RAB27B: variants seen among roughly 807,000 people sequenced by gnomAD.
The protein encoded by RAB27B is ras-related protein Rab-27B.
A neutral mutation model predicts 24.6 loss-of-function variants in RAB27B; 15 were observed. The ratio of observed to expected loss-of-function variants is 0.61; its 90% CI spans 0.41 to 0.94. The LOEUF is 0.94. Among genes scored for constraint, RAB27B ranks in the 40% least tolerant of loss-of-function variants. The pLI is 0.00. For synonymous variants in RAB27B, 105 were observed against 92.5 expected (o/e 1.14, Z -0.78); for missense variants, 261 against 266.8 (o/e 0.98, Z 0.15).
At chr18:54,867,449 T>TTC (rs1912283716) in intron 1 of RAB27B, among the ~76,000 whole-genome samples, 3 of 145,714 alleles carry the variant, frequency 2.1e-5, no homozygotes, top group South Asian at 2.3e-4. Flanking sequence ...TTTCTTTTTT[T>TTC]TTTTTTTTTT....
chr18:54,834,306 T>C (rs1335383600), intron 1 of RAB27B, among the ~76,000 whole-genome samples: 3 of 152,180 alleles, frequency 2.0e-5, no homozygotes, highest in African/African-American at 7.2e-5. Flanking sequence ...AAAGGAGATA[T>C]AGACTTCATA....
Position 54,873,685 on chromosome 18 carries a change from CTGTGTGTGTGTGTG to C in RAB27B, c.-19-3851_-19-3838del, listed in dbSNP as rs56409312. ...ATAAAAAGAGGAGCTGAGCCAAATC[CTGTGTGTGTGTGTG>C]TGTGTGTGTGTGTGTGTGTGTGTGT... On this transcript the variant is annotated intron_variant, in intron 1 of 5. Coordinates refer to ENST00000262094, the MANE Select transcript of RAB27B (RefSeq NM_004163.4). Among the ~76,000 whole-genome samples the C allele has an allele frequency of 5.0e-3, 705 of 140,840 alleles. 3 individuals are homozygous for C. Among genetic ancestry groups the C allele is most frequent in the African/African-American group, 0.015 (556 of 37,282 alleles). The allele number at this position is 140,840 out of a possible 152,430, so 92.4% of individuals were successfully genotyped here.
At chr18:54,885,661 G>A (rs1024332138) in intron 4 of RAB27B, among the ~76,000 whole-genome samples, 2 of 151,946 alleles carry the variant, frequency 1.3e-5, no homozygotes, top group Admixed American at 6.6e-5. Context: ...TATAGGTCAT[G>A]GCCATCACCT....
At position 54,889,482 on chromosome 18, in the gene RAB27B, A is replaced by G; in HGVS notation, c.*69A>G. 7 of 1,396,550 alleles carry G rather than the reference A, an allele frequency of 5.0e-6. No individual in the cohort carries two copies. The South Asian group carries it at 9.0e-5, about 18-fold the overall frequency. The allele number at this position is 1,396,550 out of a possible 1,614,324, so 86.5% of individuals were successfully genotyped here. ...ACTTTTAAAAACAATGACAAACCAC[A>G]CAATTGTTGTTGAGTAAACCACGCA... On this transcript the variant is annotated 3_prime_UTR_variant, in exon 6 of 6. Transcript: ENST00000262094.
At chr18:54,888,727 A>G (rs1913246508) in intron 5 of RAB27B, among the ~76,000 whole-genome samples, 1 of 150,852 alleles carries the variant, frequency 6.6e-6, no homozygotes, top group Non-Finnish European at 1.5e-5. Context: ...CCAATTTTTT[A>G]TGGAAGAATT....
chr18:54,829,286 A>G (rs1910584891), intron 1 of RAB27B, among the ~76,000 whole-genome samples: 1 of 152,356 alleles, frequency 6.6e-6, no homozygotes, highest in East Asian at 1.9e-4. Context: ...TGATCACAAT[A>G]AATTAGCTTT....
In RAB27B at chr18:54,891,303, G is replaced by A. The variant is rs1463233079; in HGVS notation, c.*1890G>A. 6.6e-6 allele frequency: 1 copy of A among 151,064 alleles called. No individual in the cohort carries two copies. Among genetic ancestry groups the A allele is most frequent in the Non-Finnish European group, 1.5e-5 (1 of 68,002 alleles). 9.4% of individuals were successfully genotyped at this position (151,064 alleles called of 1,614,324 possible). On this transcript the variant is annotated 3_prime_UTR_variant, in exon 6 of 6. Coordinates refer to ENST00000262094, the MANE Select transcript of RAB27B (RefSeq NM_004163.4). ...AGCTTTCATGCTGTTAGCCCCTGAT[G>A]AAATTCTCAGCATTAACTGGCCAGC...
At chr18:54,870,732 TAAC>T (rs1912429369) in intron 1 of RAB27B, among the ~76,000 whole-genome samples, 1 of 152,196 alleles carries the variant, frequency 6.6e-6, no homozygotes, top group Non-Finnish European at 1.5e-5. Flanking sequence ...AAAGCCAACT[TAAC>T]AACCTTCTGT....
At chr18:54,855,918 A>G (rs1327710449) in intron 1 of RAB27B, among the ~76,000 whole-genome samples, 4 of 152,198 alleles carry the variant, frequency 2.6e-5, no homozygotes, top group Non-Finnish European at 4.4e-5. Flanking sequence ...TTATACAACC[A>G]CACTGAATTA....
chr18:54,845,448 ACGTC>A (rs1412004109), intron 1 of RAB27B, among the ~76,000 whole-genome samples: 1 of 152,000 alleles, frequency 6.6e-6, no homozygotes, highest in African/African-American at 2.4e-5. Context: ...GGAAGAAAAT[ACGTC>A]CCTTCGGATA....
intron 2 of RAB27B, among the ~76,000 whole-genome samples, chr18:54,746,646 A>G (rs949937927): frequency 6.6e-6 from 1 of 152,114 alleles, no homozygotes; most frequent in Non-Finnish European, 1.5e-5. Context: ...ATGCAGATTC[A>G]GGCTCTAGTA....
intron 1 of RAB27B, among the ~76,000 whole-genome samples, chr18:54,831,041 T>C (rs563896330): frequency 6.6e-6 from 1 of 152,242 alleles, no homozygotes; most frequent in South Asian, 2.1e-4. Flanking sequence ...TTGTAGAGCT[T>C]ATCTTTTACC....
chr18:54,797,228 C>G (rs142804292), intron 2 of RAB27B, among the ~76,000 whole-genome samples: 1 of 152,108 alleles, frequency 6.6e-6, no homozygotes, highest in Non-Finnish European at 1.5e-5. Flanking sequence ...CAAAAGTGGC[C>G]GGACACAGTG....
intron 2 of RAB27B, among the ~76,000 whole-genome samples, chr18:54,819,160 A>G (rs1474523401): frequency 6.8e-6 from 1 of 147,366 alleles, no homozygotes; most frequent in Non-Finnish European, 1.5e-5. Flanking sequence ...ATAATTATAT[A>G]TTAACATAAT....
In RAB27B at chr18:54,891,928, A is replaced by C. The variant is rs973606694; in HGVS notation, c.*2515A>C. 3 of 152,124 alleles carry C rather than the reference A, an allele frequency of 2.0e-5. No homozygotes were observed. Among genetic ancestry groups the C allele is most frequent in the Non-Finnish European group, 2.9e-5 (2 of 67,992 alleles). 9.4% of individuals were successfully genotyped at this position (152,124 alleles called of 1,614,324 possible). On this transcript the variant is annotated 3_prime_UTR_variant, in exon 6 of 6. Transcript: ENST00000262094. ...TTATAAATAAATGCTTGATATAAAA[A>C]ATTTTCTCCATAAAGTTTGACATCT...
chr18:54,832,820 T>C (rs1314655803), intron 1 of RAB27B, among the ~76,000 whole-genome samples: 1 of 152,124 alleles, frequency 6.6e-6, no homozygotes, highest in East Asian at 1.9e-4. Flanking sequence ...AAGTGATGAT[T>C]GCATGTGGCG....
At chr18:54,886,929 A>G (rs903041151) in intron 4 of RAB27B, among the ~76,000 whole-genome samples, 24 of 151,792 alleles carry the variant, frequency 1.6e-4, no homozygotes, top group African/African-American at 5.6e-4. Flanking sequence ...TCAAAAACAC[A>G]GCTTGACAGG....
chr18:54,784,696 A>T (rs1909026016), intron 2 of RAB27B, among the ~76,000 whole-genome samples: 2 of 152,076 alleles, frequency 1.3e-5, no homozygotes, highest in Admixed American at 6.5e-5. Context: ...ATATCTCAAA[A>T]TTTTTATCCA....
At position 54,806,356 on chromosome 18, in the gene RAB27B, A is replaced by G. The variant is rs769125214; in HGVS notation, c.-19-71211A>G. Among the ~76,000 whole-genome samples, 3 of 151,856 alleles carry G rather than the reference A, an allele frequency of 2.0e-5. No individual in the cohort carries two copies. In the East Asian group the frequency reaches 5.8e-4, roughly 29 times the overall value. On this transcript the variant is annotated intron_variant, in intron 2 of 4. Coordinates refer to the RAB27B transcript ENST00000586570. ...TATGGTGTGTTACTGTATGGGAAGC[A>G]TAGGAGACTGGTTCGAGGAGCAGTC... is the stretch of plus-strand genomic sequence containing the variant.
Sources: allele counts gnomAD v4.1 joint callset (sites outside exome capture counted in the v4.1 genomes callset), GRCh38; gene constraint gnomAD v4.1.1; transcripts MANE v1.5; gene names NCBI Gene and HGNC (gene_info 2026-07-23, HGNC 2026-07-21).